The following TENM2 variants were observed in gnomAD, a reference collection of about 807,000 sequenced individuals.
TENM2 encodes the protein teneurin transmembrane protein 2, also known as teneurin-2.
Under a neutral mutation model 245.2 loss-of-function variants are expected in TENM2, and 52 were observed. The ratio of observed to expected loss-of-function variants is 0.21; its 90% CI spans 0.17 to 0.27. The LOEUF (loss-of-function observed/expected upper bound fraction) is 0.27, where lower values mean the gene tolerates loss of function less well. TENM2 is among the 10% of genes least tolerant of loss of function. The pLI is 1.00. For synonymous variants in TENM2, 1,363 were observed against 1,438.9 expected (o/e 0.95, Z 1.19); for missense variants, 3,046 against 3,666.8 (o/e 0.83, Z 4.37).
intron 23 of TENM2, among the ~76,000 whole-genome samples, chr5:168,223,764 C>T (rs575443238): frequency 5.3e-5 from 8 of 152,090 alleles, no homozygotes; most frequent in East Asian, 3.9e-4. Context: ...CCACCATGCC[C>T]GGCTGATTAC....
At chr5:167,895,972 A>C (rs916850546) in intron 3 of TENM2, among the ~76,000 whole-genome samples, 1 of 152,256 alleles carries the variant, frequency 6.6e-6, no homozygotes, top group Non-Finnish European at 1.5e-5. Context: ...GAGATAACTA[A>C]GACCAGGTAC....
chr5:167,121,587 A>G, the TENM2 span, among the ~76,000 whole-genome samples: 785 of 152,306 alleles, frequency 5.2e-3, 8 homozygotes, highest in African/African-American at 0.018. Context: ...ATGTTTCCCC[A>G]TCTCACTGGG....
At chr5:168,105,281 A>G (rs1794152155) in intron 9 of TENM2, among the ~76,000 whole-genome samples, 1 of 152,170 alleles carries the variant, frequency 6.6e-6, no homozygotes, top group African/African-American at 2.4e-5. Flanking sequence ...ACCAGCTCCA[A>G]GGGATTGGGT....
intron 1 of TENM2, among the ~76,000 whole-genome samples, chr5:167,312,717 A>G (rs2127756937): frequency 6.6e-6 from 1 of 152,062 alleles, no homozygotes; most frequent in East Asian, 1.9e-4. Context: ...AAAACTTGTG[A>G]GAGATGCTTT....
Position 167,285,079 on chromosome 5 carries a change from C to T in TENM2, c.226+16C>T, listed in dbSNP as rs558531847. 10 of 1,535,022 alleles carry T rather than the reference C, an allele frequency of 6.5e-6. No homozygotes were observed. Among genetic ancestry groups the T allele is most frequent in the Non-Finnish European group, 8.8e-6 (10 of 1,131,832 alleles). The stretch of plus-strand genomic sequence containing the variant: ...CCTAGACAAGGTTTGTAGGGTTTCC[C>T]CTGCTGATTTGCTCTCAACTGTCTA... On this transcript the variant is annotated intron_variant, in intron 1 of 28. Coordinates refer to ENST00000518659, the Ensembl canonical transcript of TENM2.
chr5:167,423,323 A>G (rs1245098115), intron 2 of TENM2, among the ~76,000 whole-genome samples: 1 of 152,128 alleles, frequency 6.6e-6, no homozygotes. Context: ...ATGTTTGAGC[A>G]CTTGTCAGTA....
the TENM2 span, among the ~76,000 whole-genome samples, chr5:167,223,591 A>G: frequency 5.3e-5 from 8 of 151,886 alleles, no homozygotes; most frequent in Non-Finnish European, 8.8e-5. Context: ...CTATTTATCC[A>G]CTTATGGATA....
chr5:167,895,690 G>A (rs570414345), intron 3 of TENM2, among the ~76,000 whole-genome samples: 8 of 152,184 alleles, frequency 5.3e-5, no homozygotes, highest in Non-Finnish European at 1.0e-4. Flanking sequence ...CCAAAAATTT[G>A]CATTTCTAGC....
At chr5:167,919,285 G>C (rs1354406757) in intron 3 of TENM2, among the ~76,000 whole-genome samples, 2 of 152,178 alleles carry the variant, frequency 1.3e-5, no homozygotes, top group Admixed American at 1.3e-4. Context: ...GTGCTGTCGA[G>C]AGTGTGGTGG....
the TENM2 span, among the ~76,000 whole-genome samples, chr5:167,166,167 A>G: frequency 6.6e-6 from 1 of 152,316 alleles, no homozygotes; most frequent in South Asian, 2.1e-4. Flanking sequence ...TTCTATGCCG[A>G]CAGGCCAGGC....
the TENM2 span, among the ~76,000 whole-genome samples, chr5:167,158,897 TTC>T: frequency 7.8e-4 from 113 of 145,188 alleles, no homozygotes; most frequent in Non-Finnish European, 1.3e-3. Context: ...CCTTCCTTCC[TTC>T]CTTCCTTCCT....
At chr5:167,046,667 C>G in the TENM2 span, among the ~76,000 whole-genome samples, 1 of 151,920 alleles carries the variant, frequency 6.6e-6, no homozygotes, top group Non-Finnish European at 1.5e-5. Flanking sequence ...GTGCTCTTTT[C>G]TCTGTCCTTT....
intron 1 of TENM2, among the ~76,000 whole-genome samples, chr5:167,333,541 A>G (rs958628398): frequency 6.6e-6 from 1 of 152,226 alleles, no homozygotes; most frequent in Non-Finnish European, 1.5e-5. Context: ...CATTAAAAGA[A>G]ATTATATGTC....
the TENM2 span, among the ~76,000 whole-genome samples, chr5:167,072,496 G>A: frequency 6.6e-6 from 1 of 152,220 alleles, no homozygotes; most frequent in Non-Finnish European, 1.5e-5. Context: ...ATGAAGTTGA[G>A]ACATGTAACC....
chr5:167,638,635 T>C (rs10066983), intron 2 of TENM2, among the ~76,000 whole-genome samples: 7,540 of 152,286 alleles, frequency 0.05, 611 homozygotes, highest in African/African-American at 0.17. Context: ...AGCATATAGA[T>C]AGATTATTTA....
the TENM2 span, among the ~76,000 whole-genome samples, chr5:167,277,948 T>C: frequency 6.6e-6 from 1 of 151,612 alleles, no homozygotes; most frequent in Non-Finnish European, 1.5e-5. Flanking sequence ...GATTGATGTT[T>C]GCATGATACC....
Position 167,958,946 on chromosome 5 carries a change from C to T in TENM2, c.947+6124C>T, listed in dbSNP as rs191879754. 9.2e-5 allele frequency among the ~76,000 whole-genome samples: 14 copies of T among 152,170 alleles called. No homozygotes were observed. The East Asian group carries it at 9.7e-4, about 11-fold the overall frequency. On this transcript the variant is annotated intron_variant, in intron 4 of 28. Transcript: ENST00000518659. Reference sequence around the variant, plus strand: ...TTCATTTCAACCTTGGTGAATCTGACGATTATGTGTCTTGGGGTTGCTCTT... The same window carrying T: ...TTCATTTCAACCTTGGTGAATCTGATGATTATGTGTCTTGGGGTTGCTCTT...
chr5:168,118,264 C>T, intron 9 of TENM2, 28 bp from the exon 12 acceptor site: 1 of 1,483,498 alleles, frequency 6.7e-7, no homozygotes, highest in Non-Finnish European at 9.1e-7. Flanking sequence ...CCCTTCGTGA[C>T]CTAGTGCTCT....
intron 5 of TENM2, among the ~76,000 whole-genome samples, chr5:168,017,568 C>T (rs1216605322): frequency 1.3e-5 from 2 of 152,092 alleles, no homozygotes; most frequent in African/African-American, 4.8e-5. Context: ...TAGCAGATCA[C>T]CTTTGAATAA....
Sources: allele counts gnomAD v4.1 joint callset (sites outside exome capture counted in the v4.1 genomes callset), GRCh38; gene constraint gnomAD v4.1.1; transcripts MANE v1.5; gene names NCBI Gene and HGNC (gene_info 2026-07-23, HGNC 2026-07-21).